Variants in TMED3 observed in about 807,000 individuals in gnomAD.
The protein encoded by TMED3 is transmembrane p24 trafficking protein 3.
In TMED3, 9 loss-of-function variants were observed where a neutral mutation model predicts 15.0. The observed-to-expected ratio is 0.60, with a 90% CI of 0.36 to 1.04. TMED3 has a LOEUF of 1.04. Ranked by LOEUF, TMED3 falls within the 50% of genes least tolerant of loss-of-function variation. The pLI is 0.01. For missense variants in TMED3, 267 were observed against 278.9 expected, an observed-to-expected ratio of 0.96 and a Z score of 0.30; for synonymous variants, 117 against 121.4, an observed-to-expected ratio of 0.96 and a Z score of 0.24.
At chr15:79,344,052 C>A (rs1420351296) in intron 2 of TMED3, among the ~76,000 whole-genome samples, 2 of 152,114 alleles carry the variant, frequency 1.3e-5, no homozygotes, top group Non-Finnish European at 2.9e-5. Flanking sequence ...AACACTCGGC[C>A]TACGTAGTTC....
At chr15:79,350,451 C>T (rs1231317908) in intron 2 of TMED3, among the ~76,000 whole-genome samples, 2 of 152,110 alleles carry the variant, frequency 1.3e-5, no homozygotes, top group East Asian at 3.9e-4. Context: ...TCTGGCAAAT[C>T]ACTGGTGTAA....
chr15:79,389,258 A>C (rs1005326307), intron 2 of TMED3, among the ~76,000 whole-genome samples: 1 of 152,062 alleles, frequency 6.6e-6, no homozygotes, highest in Non-Finnish European at 1.5e-5. Flanking sequence ...TCTGGAGTCG[A>C]TTTTTGTATA....
intron 2 of TMED3, among the ~76,000 whole-genome samples, chr15:79,382,244 G>T (rs1893548668): frequency 6.6e-6 from 1 of 152,184 alleles, no homozygotes; most frequent in Non-Finnish European, 1.5e-5. Context: ...TGGGTTCATG[G>T]TACTGTTGAG....
intron 2 of TMED3, among the ~76,000 whole-genome samples, chr15:79,398,720 T>G (rs945113628): frequency 3.0e-5 from 4 of 131,176 alleles, no homozygotes; most frequent in Admixed American, 2.2e-4. Flanking sequence ...CAAATGCCAG[T>G]CTCTTCCAGA....
intron 2 of TMED3, among the ~76,000 whole-genome samples, chr15:79,350,209 G>A (rs936508484): frequency 1.3e-5 from 2 of 152,194 alleles, no homozygotes; most frequent in South Asian, 2.1e-4. Flanking sequence ...TAGCTGGACG[G>A]TTAGATGGAT....
intron 2 of TMED3, among the ~76,000 whole-genome samples, chr15:79,350,589 A>G (rs1212052310): frequency 6.6e-6 from 1 of 152,126 alleles, no homozygotes; most frequent in African/African-American, 2.4e-5. Context: ...GCTTTATTCT[A>G]GCTGTGCTGG....
intron 1 of TMED3, among the ~76,000 whole-genome samples, chr15:79,313,052 C>T (rs557643968): frequency 2.6e-5 from 4 of 152,300 alleles, no homozygotes; most frequent in Admixed American, 2.6e-4. Flanking sequence ...CCGTGCTAAA[C>T]ACTTTAGGTG....
chr15:79,384,092 G>C (rs950398373), intron 2 of TMED3: 1 of 152,246 alleles, frequency 6.6e-6, no homozygotes, highest in Non-Finnish European at 1.5e-5. Flanking sequence ...GGTGTGACCT[G>C]AGCTGGCTCA....
intron 2 of TMED3, among the ~76,000 whole-genome samples, chr15:79,340,039 C>G (rs1302710031): frequency 1.3e-5 from 2 of 152,180 alleles, no homozygotes; most frequent in African/African-American, 4.8e-5. Context: ...GCTAGTAAGA[C>G]TAAACCCTCC....
intron 2 of TMED3, among the ~76,000 whole-genome samples, chr15:79,340,103 A>G (rs558062314): frequency 6.6e-6 from 1 of 152,338 alleles, no homozygotes; most frequent in East Asian, 1.9e-4. Context: ...AATACTGTTT[A>G]AAGTACTGTA....
intron 2 of TMED3, among the ~76,000 whole-genome samples, chr15:79,388,955 A>G (rs1312863189): frequency 1.3e-5 from 2 of 151,024 alleles, no homozygotes; most frequent in East Asian, 1.9e-4. Context: ...TTTCTTACTG[A>G]TTTGTTTGAG....
chr15:79,407,945 G>A (rs1893922707), intron 2 of TMED3, among the ~76,000 whole-genome samples: 1 of 152,158 alleles, frequency 6.6e-6, no homozygotes, highest in Admixed American at 6.5e-5. Context: ...GTTCAGCCTT[G>A]CAGCGCAGCC....
chr15:79,380,702 G>C (rs1019027620), intron 2 of TMED3, among the ~76,000 whole-genome samples: 7 of 151,728 alleles, frequency 4.6e-5, no homozygotes, highest in Admixed American at 1.3e-4. Context: ...GGATGGAAGA[G>C]GTGAAACCCT....
chr15:79,343,637 A>T (rs2058858993), intron 2 of TMED3, among the ~76,000 whole-genome samples: 1 of 148,406 alleles, frequency 6.7e-6, no homozygotes, highest in South Asian at 2.1e-4. Flanking sequence ...CTGCAGGGGT[A>T]AGAGTGGATG....
chr15:79,348,170 G>A (rs7164611), intron 2 of TMED3, among the ~76,000 whole-genome samples: 14,236 of 152,136 alleles, frequency 0.094, 702 homozygotes, highest in Admixed American at 0.12. Flanking sequence ...CCCCTGAAGA[G>A]GGCACAGTGC....
intron 2 of TMED3, among the ~76,000 whole-genome samples, chr15:79,321,671 C>T (rs773385926): frequency 6.6e-6 from 1 of 152,100 alleles, no homozygotes; most frequent in African/African-American, 2.4e-5. Context: ...ATGATCCGTG[C>T]CTATCAGGAG....
intron 2 of TMED3, among the ~76,000 whole-genome samples, chr15:79,382,763 A>G (rs879783684): frequency 6.6e-5 from 10 of 152,174 alleles, no homozygotes; most frequent in Admixed American, 3.9e-4. Context: ...TCAGCCACCT[A>G]TCCTTCCTGC....
At chr15:79,323,294 T>G (rs1170120272), downstream of TMED3, among the ~76,000 whole-genome samples, 2 of 152,200 alleles carry the variant, frequency 1.3e-5, no homozygotes, top group Non-Finnish European at 2.9e-5. Flanking sequence ...GTGTCTCCGC[T>G]GAAGGAAACC....
At chr15:79,354,798 G>C (rs1418402314) in intron 2 of TMED3, among the ~76,000 whole-genome samples, 3 of 152,106 alleles carry the variant, frequency 2.0e-5, no homozygotes, top group Admixed American at 6.5e-5. Context: ...TCCCTGTGGG[G>C]GCCCAAGCTC....
Sources: allele counts gnomAD v4.1 joint callset (sites outside exome capture counted in the v4.1 genomes callset), GRCh38; gene constraint gnomAD v4.1.1; transcripts MANE v1.5; gene names NCBI Gene and HGNC (gene_info 2026-07-23, HGNC 2026-07-21).